The following DMD variants were observed in gnomAD, a reference collection of about 807,000 sequenced individuals.
DMD encodes mutant dystrophin.
Under a neutral mutation model 330.1 loss-of-function variants are expected in DMD, and 63 were observed. That is an observed-to-expected ratio of 0.19 (90% CI 0.16 to 0.24). DMD has a LOEUF of 0.24. DMD is among the 10% of genes least tolerant of loss of function. The probability of loss-of-function intolerance (pLI) is 1.00; values close to 1 mark genes in which losing one functional copy is unlikely to be tolerated. For missense variants in DMD, 3,344 were observed against 2,684.1 expected, an observed-to-expected ratio of 1.25 and a Z score of -5.43; for synonymous variants, 1,223 against 959.8, an observed-to-expected ratio of 1.27 and a Z score of -5.07.
At chrX:32,540,447 G>T (rs2048385357) in intron 17 of DMD, among the ~76,000 whole-genome samples, 1 of 111,157 alleles carries the variant, frequency 9.0e-6, no homozygotes, top group South Asian at 3.7e-4. Context: ...AATTGTTTTG[G>T]GTAAATAAGG....
chrX:31,376,709 AT>A (rs892894879), intron 60 of DMD, among the ~76,000 whole-genome samples: 4 of 112,231 alleles, frequency 3.6e-5, no homozygotes, highest in Non-Finnish European at 3.8e-5. Flanking sequence ...CCACTGCAAA[AT>A]TTGGAATAAA....
intron 60 of DMD, among the ~76,000 whole-genome samples, chrX:31,366,332 G>A (rs1602194456): frequency 9.3e-6 from 1 of 107,712 alleles, no homozygotes; most frequent in South Asian, 4.1e-4. Flanking sequence ...ATGAGCAGAG[G>A]AAGAGAGATA....
intron 48 of DMD, among the ~76,000 whole-genome samples, chrX:31,858,293 T>C (rs755505337): frequency 7.2e-5 from 8 of 111,739 alleles, no homozygotes; most frequent in African/African-American, 9.7e-5. Flanking sequence ...TACATCTTCA[T>C]TGGAGAGAAT....
At chrX:32,335,507 T>C (rs930362675) in intron 41 of DMD, among the ~76,000 whole-genome samples, 11 of 63,693 alleles carry the variant, frequency 1.7e-4, no homozygotes, top group African/African-American at 4.0e-4. Context: ...ATGTTATATA[T>C]ATAACATGTG....
chrX:32,361,064 G>A (rs188371914), intron 37 of DMD, among the ~76,000 whole-genome samples: 1 of 110,351 alleles, frequency 9.1e-6, no homozygotes, highest in East Asian at 2.8e-4. Flanking sequence ...CCACAATCTT[G>A]TAACACAATT....
intron 7 of DMD, among the ~76,000 whole-genome samples, chrX:32,702,072 C>T (rs1410884587): frequency 8.9e-6 from 1 of 111,874 alleles, no homozygotes; most frequent in Non-Finnish European, 1.9e-5. Context: ...CATCAACATA[C>T]ATTTTCAAGA....
chrX:32,457,750 C>T (rs2098366672), intron 25 of DMD, among the ~76,000 whole-genome samples: 2 of 109,301 alleles, frequency 1.8e-5, no homozygotes, highest in Non-Finnish European at 3.8e-5. Flanking sequence ...AGAGATCTGA[C>T]GAAAGAGATC....
At chrX:31,848,085 ATT>A (rs764501937) in intron 48 of DMD, among the ~76,000 whole-genome samples, 6 of 111,460 alleles carry the variant, frequency 5.4e-5, no homozygotes, top group Non-Finnish European at 7.6e-5. Context: ...TATGCTTATT[ATT>A]TCTTTCCAAA....
At chrX:33,068,143 G>T (rs2094693367) in intron 1 of DMD, among the ~76,000 whole-genome samples, 1 of 111,958 alleles carries the variant, frequency 8.9e-6, no homozygotes, top group Admixed American at 9.5e-5. Context: ...CTCAAAGAAA[G>T]ACCCCAGGAA....
rs1344151389 is a variant in DMD, at chrX:32,981,883, T to C, written c.93+38256A>G. ...AAGAAAAAAAGCAGAAAATGAATTATTTAATAATTTCTAAGATGTTCTCAG... is the reference window on the plus strand; with the variant it reads ...AAGAAAAAAAGCAGAAAATGAATTACTTAATAATTTCTAAGATGTTCTCAG... On this transcript the variant is annotated intron_variant, in intron 2 of 78. Transcript: ENST00000357033. Among the ~76,000 whole-genome samples the C allele has an allele frequency of 2.7e-5, 3 of 111,672 alleles. No individual in the cohort carries two copies. The Admixed American group carries it at 2.9e-4, about 11-fold the overall frequency.
At chrX:32,547,114 G>A (rs1411283809) in intron 16 of DMD, among the ~76,000 whole-genome samples, 3 of 110,791 alleles carry the variant, frequency 2.7e-5, no homozygotes, top group Non-Finnish European at 5.7e-5. Context: ...ATACAGTGGA[G>A]GCTAGAAGAT....
intron 11 of DMD, among the ~76,000 whole-genome samples, chrX:32,631,410 A>T (rs2058719755): frequency 1.8e-5 from 2 of 111,595 alleles, no homozygotes; most frequent in Non-Finnish European, 3.8e-5. Flanking sequence ...TGTGTTTTTC[A>T]CTTCAGGGTA....
chrX:32,739,781 A>G (rs943540418), intron 7 of DMD, among the ~76,000 whole-genome samples: 4 of 110,770 alleles, frequency 3.6e-5, no homozygotes, highest in African/African-American at 9.9e-5. Flanking sequence ...TGGTTCTCAG[A>G]CATCAGAATC....
At chrX:32,037,421 G>T (rs1423767262) in intron 44 of DMD, among the ~76,000 whole-genome samples, 1 of 111,922 alleles carries the variant, frequency 8.9e-6, no homozygotes, top group Non-Finnish European at 1.9e-5. Context: ...TAGACACAGA[G>T]CATTTATTTG....
intron 1 of DMD, among the ~76,000 whole-genome samples, chrX:33,229,072 T>C (rs1045725511): frequency 1.3e-4 from 14 of 111,047 alleles, no homozygotes; most frequent in Non-Finnish European, 2.1e-4. Context: ...TATTTTTGGA[T>C]TTTTGCTTTT....
chrX:31,479,151 TC>T, intron 57 of DMD, 48 bp from the exon 58 acceptor site: 1 of 1,199,628 alleles, frequency 8.3e-7, no homozygotes, highest in Non-Finnish European at 1.1e-6. Context: ...GTGGCATTCT[TC>T]TCAAAATTAA....
intron 25 of DMD, among the ~76,000 whole-genome samples, chrX:32,460,122 A>C (rs968819207): frequency 6.3e-5 from 7 of 111,217 alleles, no homozygotes; most frequent in African/African-American, 2.3e-4. Context: ...ATATGAAAAA[A>C]AAATTCCACA....
chrX:31,783,702 A>G (rs2091145342), intron 50 of DMD, among the ~76,000 whole-genome samples: 1 of 110,994 alleles, frequency 9.0e-6, no homozygotes, highest in South Asian at 3.7e-4. Context: ...TAGTCTAAAT[A>G]TATATATTTA....
At chrX:32,386,910 G>T (rs2180202) in intron 32 of DMD, among the ~76,000 whole-genome samples, 2 of 108,459 alleles carry the variant, frequency 1.8e-5, no homozygotes, top group South Asian at 3.9e-4. Flanking sequence ...TGAATCACTG[G>T]GAAGTCAGTG....
Sources: allele counts gnomAD v4.1 joint callset (sites outside exome capture counted in the v4.1 genomes callset), GRCh38; gene constraint gnomAD v4.1.1; transcripts MANE v1.5; gene names NCBI Gene and HGNC (gene_info 2026-07-23, HGNC 2026-07-21).